The following PDHX variants were observed in gnomAD, a reference collection of about 807,000 sequenced individuals.
The protein encoded by PDHX is pyruvate dehydrogenase protein X component, mitochondrial.
Under a neutral mutation model 55.3 loss-of-function variants are expected in PDHX, and 33 were observed. That is an observed-to-expected ratio of 0.60 (90% confidence interval 0.45 to 0.80). The LOEUF (loss-of-function observed/expected upper bound fraction) is 0.80. Among genes scored for constraint, PDHX ranks in the 30% least tolerant of loss-of-function variants. The probability of loss-of-function intolerance (pLI) is 0.00; values close to 1 mark genes in which losing one functional copy is unlikely to be tolerated. For missense variants in PDHX, 622 were observed against 619.9 expected, an observed-to-expected ratio of 1.00 and a Z score of -0.04; for synonymous variants, 226 against 219.4, an observed-to-expected ratio of 1.03 and a Z score of -0.27.
intron 2 of PDHX, among the ~76,000 whole-genome samples, chr11:34,940,505 T>C (rs1033206730): frequency 6.6e-6 from 1 of 152,208 alleles, no homozygotes; most frequent in Non-Finnish European, 1.5e-5. Context: ...TTTTGAAAAG[T>C]CCATTTCACA....
intron 7 of PDHX, among the ~76,000 whole-genome samples, chr11:34,974,095 T>C (rs1328478085): frequency 2.0e-5 from 3 of 152,258 alleles, no homozygotes; most frequent in Non-Finnish European, 4.4e-5. Flanking sequence ...ACATTTACAT[T>C]GTTTGCAACC....
intron 1 of PDHX, among the ~76,000 whole-genome samples, chr11:34,918,335 G>T (rs552782801): frequency 1.3e-5 from 2 of 151,910 alleles, no homozygotes; most frequent in African/African-American, 4.8e-5. Context: ...TACTCCAGGG[G>T]CTGAGGCAGG....
At chr11:34,956,414 C>A (rs769846154) in intron 3 of PDHX, among the ~76,000 whole-genome samples, 12 of 152,076 alleles carry the variant, frequency 7.9e-5, no homozygotes, top group Non-Finnish European at 1.6e-4. Flanking sequence ...TATTAGTGGA[C>A]GTCCTGCAGC....
intron 4 of PDHX, among the ~76,000 whole-genome samples, chr11:34,958,880 GA>G (rs1458659884): frequency 3.3e-5 from 5 of 151,330 alleles, no homozygotes; most frequent in Admixed American, 3.3e-4. Context: ...CACAGTGAAT[GA>G]AAAAAAAATT....
At chr11:34,970,106 T>G (rs1259202985) in intron 6 of PDHX, 33 bp from the exon 7 acceptor site, 2 of 1,602,762 alleles carry the variant, frequency 1.2e-6, no homozygotes, top group Admixed American at 3.3e-5. Context: ...ATTCCACTTG[T>G]GGTTTAACGG....
At position 34,995,591 on chromosome 11, in the gene PDHX, C is replaced by T. The variant is rs1855843573; in HGVS notation, c.*419C>T. ...GTAGAAGTGATCTTCAAAGAGATGGCCATTAACTTAGCAGTGGGACCTCAC... is the reference window on the plus strand; with the variant it reads ...GTAGAAGTGATCTTCAAAGAGATGGTCATTAACTTAGCAGTGGGACCTCAC... On this transcript the variant is annotated 3_prime_UTR_variant, in exon 11 of 11. Transcript: ENST00000227868. 4.0e-6 allele frequency: 1 copy of T among 249,514 alleles called. No homozygotes were observed. The allele number at this position is 249,514 out of a possible 1,614,324, so 15.5% of individuals were successfully genotyped here. A position where few individuals can be genotyped will look rare whatever the true frequency, so the allele number is the denominator to read the frequency against.
At chr11:34,976,211 A>G (rs1292394171) in intron 7 of PDHX, among the ~76,000 whole-genome samples, 2 of 152,120 alleles carry the variant, frequency 1.3e-5, no homozygotes, top group East Asian at 1.9e-4. Context: ...ACCCCACATT[A>G]TCTATCTTCA....
chr11:34,925,535 GTTAGTT>G lies in PDHX; in HGVS notation c.161-5868_161-5863del, dbSNP rs1324757484. On this transcript the variant is annotated intron_variant, in intron 1 of 10. Transcript: ENST00000227868. ...CAAACAGCACATTTTTAAACTTAGT[GTTAGTT>G]AAGTTTGAAAGAGGAAGTAAGATTG... Among the ~76,000 whole-genome samples the G allele has an allele frequency of 3.3e-5, 5 of 152,158 alleles. No individual in the cohort carries two copies. The East Asian group carries it at 9.6e-4, about 29-fold the overall frequency.
At chr11:34,981,747 A>T (rs1855517950) in intron 8 of PDHX, among the ~76,000 whole-genome samples, 1 of 150,774 alleles carries the variant, frequency 6.6e-6, no homozygotes, top group Admixed American at 6.6e-5. Flanking sequence ...TTCTTTGATG[A>T]CTAGTGATGA....
intron 9 of PDHX, among the ~76,000 whole-genome samples, chr11:34,986,332 G>C (rs1206284750): frequency 6.7e-6 from 1 of 150,222 alleles, no homozygotes; most frequent in Admixed American, 6.6e-5. Flanking sequence ...AAAAAGAAAG[G>C]TAGCGTTTAT....
At chr11:34,980,064 T>G (rs753410196) in intron 8 of PDHX, among the ~76,000 whole-genome samples, 26 of 151,384 alleles carry the variant, frequency 1.7e-4, no homozygotes, top group Non-Finnish European at 3.1e-4. Flanking sequence ...AATTTTCAGC[T>G]TTTTTAAAAA....
At chr11:34,935,763 T>A (rs1242810030) in intron 2 of PDHX, among the ~76,000 whole-genome samples, 2 of 152,046 alleles carry the variant, frequency 1.3e-5, no homozygotes, top group Non-Finnish European at 2.9e-5. Flanking sequence ...GTGAATCAAG[T>A]GTTAAAAAGG....
At chr11:34,951,049 C>CTTT (rs1179399887) in intron 3 of PDHX, among the ~76,000 whole-genome samples, 206 of 88,614 alleles carry the variant, frequency 2.3e-3, no homozygotes, top group Non-Finnish European at 2.9e-3. Context: ...TGTTTCCTGA[C>CTTT]TTTTTTTTTT....
intron 7 of PDHX, among the ~76,000 whole-genome samples, chr11:34,971,656 A>G (rs1855260993): frequency 6.6e-6 from 1 of 152,116 alleles, no homozygotes; most frequent in Admixed American, 6.5e-5. Context: ...TAACCTTCTC[A>G]TATATTGTTT....
intron 7 of PDHX, among the ~76,000 whole-genome samples, chr11:34,971,430 T>G (rs958733302): frequency 6.6e-6 from 1 of 152,162 alleles, no homozygotes; most frequent in Admixed American, 6.5e-5. Flanking sequence ...TAGCTATAGG[T>G]TTTTTGTAGA....
At chr11:34,986,501 A>G (rs1237899955) in intron 9 of PDHX, among the ~76,000 whole-genome samples, 2 of 152,136 alleles carry the variant, frequency 1.3e-5, no homozygotes, top group Non-Finnish European at 2.9e-5. Context: ...GTAAAATATA[A>G]AGTACTATTA....
intron 7 of PDHX, among the ~76,000 whole-genome samples, chr11:34,972,835 A>G (rs1205525953): frequency 1.3e-5 from 2 of 152,128 alleles, no homozygotes; most frequent in Non-Finnish European, 2.9e-5. Context: ...TATGATTTCT[A>G]GCTTAACTAC....
At chr11:34,985,312 G>A (rs1479756815) in intron 9 of PDHX, among the ~76,000 whole-genome samples, 1 of 152,052 alleles carries the variant, frequency 6.6e-6, no homozygotes, top group South Asian at 2.1e-4. Context: ...GTGGTGGCGC[G>A]TGCCTGTAAT....
In PDHX at chr11:34,939,523, C is replaced by T. The variant is rs1034292929; in HGVS notation, c.242-7983C>T. Among the ~76,000 whole-genome samples, 3 of 150,242 alleles carry T rather than the reference C, an allele frequency of 2.0e-5. No homozygotes were observed. In the East Asian group the frequency reaches 5.8e-4, roughly 29 times the overall value. ...TGTGTGTGCACTTGCATGCGCGCAG[C>T]GTTTTACACCAAGGAGGTAAGGGTG... On this transcript the variant is annotated intron_variant, in intron 2 of 10. Transcript: ENST00000227868.
Sources: allele counts gnomAD v4.1 joint callset (sites outside exome capture counted in the v4.1 genomes callset), GRCh38; gene constraint gnomAD v4.1.1; transcripts MANE v1.5; gene names NCBI Gene and HGNC (gene_info 2026-07-23, HGNC 2026-07-21).